NFXL1: variants seen among roughly 807,000 people sequenced by gnomAD.
The protein encoded by NFXL1 is NF-X1-type zinc finger protein NFXL1.
Under a neutral mutation model 123.3 loss-of-function variants are expected in NFXL1, and 66 were observed. The ratio of observed to expected loss-of-function variants is 0.54; its 90% CI spans 0.44 to 0.66. The LOEUF (loss-of-function observed/expected upper bound fraction) is 0.66. NFXL1 is among the 30% of genes least tolerant of loss of function. The pLI is 0.00. For missense variants in NFXL1, 944 were observed against 1,125.6 expected, an observed-to-expected ratio of 0.84 and a Z score of 2.31; for synonymous variants, 346 against 360.8, an observed-to-expected ratio of 0.96 and a Z score of 0.46.
At chr4:47,884,260 A>G (rs1736293840) in intron 15 of NFXL1, 86 bp downstream of exon 15, 1 of 732,842 alleles carries the variant, frequency 1.4e-6, no homozygotes, top group Admixed American at 2.3e-5. Flanking sequence ...CTGAACTAAG[A>G]AAAAAGGGAG....
At chr4:47,860,061 T>C (rs1428186240) in intron 19 of NFXL1, among the ~76,000 whole-genome samples, 2 of 151,990 alleles carry the variant, frequency 1.3e-5, no homozygotes, top group Admixed American at 6.6e-5. Flanking sequence ...AAAAGATCTA[T>C]TGTACAAAAT....
intron 12 of NFXL1, among the ~76,000 whole-genome samples, chr4:47,886,829 A>C (rs1736461497): frequency 6.6e-6 from 1 of 152,244 alleles, no homozygotes; most frequent in African/African-American, 2.4e-5. Context: ...GGAAAATTTA[A>C]CATTAACAAT....
At chr4:47,871,142 A>G (rs1174981014) in intron 18 of NFXL1, among the ~76,000 whole-genome samples, 1 of 152,198 alleles carries the variant, frequency 6.6e-6, no homozygotes, top group African/African-American at 2.4e-5. Flanking sequence ...CGAGGTCAGG[A>G]GATCAAGACC....
chr4:47,894,007 C>T (rs1736930177), intron 11 of NFXL1, among the ~76,000 whole-genome samples, 173 bp downstream of exon 11: 1 of 151,886 alleles, frequency 6.6e-6, no homozygotes, highest in Non-Finnish European at 1.5e-5. Context: ...ACAATTCCCA[C>T]TAGTACAAAA....
intron 22 of NFXL1, among the ~76,000 whole-genome samples, chr4:47,849,726 G>T (rs1263475242): frequency 6.6e-6 from 1 of 152,116 alleles, no homozygotes; most frequent in Admixed American, 6.5e-5. Flanking sequence ...ATTATGTGCT[G>T]TATACAGTGA....
intron 18 of NFXL1, among the ~76,000 whole-genome samples, chr4:47,873,430 T>C (rs1253929855): frequency 6.6e-6 from 1 of 152,222 alleles, no homozygotes; most frequent in African/African-American, 2.4e-5. Flanking sequence ...AATTACTCCT[T>C]GAACCATGGA....
At chr4:47,913,071 A>G (rs1737923862) in intron 2 of NFXL1, among the ~76,000 whole-genome samples, 1 of 151,176 alleles carries the variant, frequency 6.6e-6, no homozygotes, top group African/African-American at 2.4e-5. Flanking sequence ...CATATTGTAT[A>G]CCTTATCATC....
chr4:47,895,412 A>T (rs1737026989), intron 10 of NFXL1, among the ~76,000 whole-genome samples: 1 of 152,212 alleles, frequency 6.6e-6, no homozygotes, highest in Non-Finnish European at 1.5e-5. Context: ...CTCAGTTGAA[A>T]ATCTTTTGTT....
intron 11 of NFXL1, among the ~76,000 whole-genome samples, chr4:47,892,143 A>G (rs1460163615): frequency 6.6e-6 from 1 of 152,212 alleles, no homozygotes; most frequent in Non-Finnish European, 1.5e-5. Context: ...AGAAAACCAC[A>G]TAAAAGATAT....
At chr4:47,910,025 A>G (rs1737749556) in intron 3 of NFXL1, among the ~76,000 whole-genome samples, 1 of 152,246 alleles carries the variant, frequency 6.6e-6, no homozygotes, top group Non-Finnish European at 1.5e-5. Flanking sequence ...AATAATATTT[A>G]CATTTAAAAT....
chr4:47,894,366 A>G (rs1162721935), intron 10 of NFXL1, 64 bp from the exon 11 acceptor site: 1 of 1,217,580 alleles, frequency 8.2e-7, no homozygotes, highest in Non-Finnish European at 1.1e-6. Flanking sequence ...TCACATTGCA[A>G]CTTCTACAAT....
At chr4:47,848,863 T>C (rs935583484) in intron 22 of NFXL1, among the ~76,000 whole-genome samples, 13 of 152,132 alleles carry the variant, frequency 8.5e-5, no homozygotes, top group African/African-American at 3.1e-4. Flanking sequence ...TACTCCAGCC[T>C]GGGCAACAGA....
intron 21 of NFXL1, 108 bp from the exon 22 acceptor site, chr4:47,851,256 G>A: frequency 2.7e-6 from 2 of 737,214 alleles, no homozygotes; most frequent in Non-Finnish European, 4.7e-6. Context: ...ACTTTTAGGA[G>A]CTTGAAATCA....
chr4:47,900,848 A>G (rs1737327203), intron 5 of NFXL1, among the ~76,000 whole-genome samples: 1 of 152,230 alleles, frequency 6.6e-6, no homozygotes, highest in South Asian at 2.1e-4. Flanking sequence ...TAACCAAAAG[A>G]TATTTGTTCT....
chr4:47,906,679 C>T (rs1031979607), intron 3 of NFXL1, among the ~76,000 whole-genome samples: 2 of 152,124 alleles, frequency 1.3e-5, no homozygotes, highest in Non-Finnish European at 2.9e-5. Flanking sequence ...TAAATTTCAT[C>T]TAATTTAACA....
chr4:47,868,210 G>A (rs745824586), intron 18 of NFXL1, among the ~76,000 whole-genome samples: 6 of 152,006 alleles, frequency 3.9e-5, no homozygotes, highest in East Asian at 3.9e-4. Context: ...TCCCAGCTAC[G>A]CGGGAGGCTT....
chr4:47,912,162 C>A (rs538048832), intron 2 of NFXL1, among the ~76,000 whole-genome samples: 6 of 152,192 alleles, frequency 3.9e-5, no homozygotes, highest in African/African-American at 1.2e-4. Flanking sequence ...TCATGCTTAC[C>A]TAGCAAGCTT....
In NFXL1 at chr4:47,860,164, C is replaced by T. The variant is rs115365908; in HGVS notation, c.2316+2682G>A. Among the ~76,000 whole-genome samples, 474 of 152,190 alleles carry T rather than the reference C, an allele frequency of 3.1e-3. 2 individuals are homozygous for T. The highest frequency in any genetic ancestry group is 1.0e-2 in the African/African-American group (415 of 41,530). ...CCATAAAAAAATGCATATATTAACT[C>T]AACTTAGTCATTCCACAATGTATAC... On this transcript the variant is annotated intron_variant, in intron 19 of 22. Transcript: ENST00000507489.
intron 18 of NFXL1, among the ~76,000 whole-genome samples, chr4:47,863,457 G>T (rs1225472983): frequency 1.3e-5 from 2 of 152,084 alleles, no homozygotes; most frequent in Non-Finnish European, 2.9e-5. Context: ...TAAGGCAGGT[G>T]GATCACTTGA....
Sources: gnomAD v4.1 joint callset for allele counts (sites outside exome capture counted in the v4.1 genomes callset) on GRCh38, gnomAD v4.1.1 for gene constraint, MANE v1.5 for transcripts, NCBI Gene and HGNC (gene_info 2026-07-23, HGNC 2026-07-21) for gene names.